The following ARHGAP42 variants were observed in gnomAD, a reference collection of about 807,000 sequenced individuals.
ARHGAP42 encodes the protein Rho GTPase activating protein 42.
ARHGAP42 carries 63 observed loss-of-function variants against 125.0 expected under a neutral mutation model. That is an observed-to-expected ratio of 0.50 (90% CI 0.41 to 0.62). The LOEUF (loss-of-function observed/expected upper bound fraction) is 0.62. Ranked by LOEUF, ARHGAP42 falls within the 20% of genes least tolerant of loss-of-function variation. The probability of loss-of-function intolerance (pLI) is 0.00; values close to 1 mark genes in which losing one functional copy is unlikely to be tolerated. For missense variants in ARHGAP42, 766 were observed against 1,024.2 expected (o/e 0.75, Z 3.44); for synonymous variants, 339 against 351.0 (o/e 0.97, Z 0.38).
At chr11:100,779,826 G>T (rs1356179285) in intron 2 of ARHGAP42, among the ~76,000 whole-genome samples, 2 of 151,558 alleles carry the variant, frequency 1.3e-5, no homozygotes. Flanking sequence ...AGGAGTTCGA[G>T]ACCTGCCTGG....
At chr11:100,840,210 C>G (rs1211300953) in intron 3 of ARHGAP42, among the ~76,000 whole-genome samples, 2 of 152,146 alleles carry the variant, frequency 1.3e-5, no homozygotes, top group Non-Finnish European at 2.9e-5. Context: ...AATGATGCGT[C>G]CCCTACAAAG....
intron 4 of ARHGAP42, among the ~76,000 whole-genome samples, chr11:100,883,290 A>G (rs1046967894): frequency 6.6e-6 from 1 of 152,058 alleles, no homozygotes; most frequent in African/African-American, 2.4e-5. Context: ...TGATATCCCT[A>G]GTGCCTGGCA....
At chr11:100,692,467 T>A (rs182712080) in intron 1 of ARHGAP42, among the ~76,000 whole-genome samples, 40 of 152,348 alleles carry the variant, frequency 2.6e-4, no homozygotes, top group Non-Finnish European at 8.8e-5. Flanking sequence ...TTGCTGATAA[T>A]ATCTAGTGTG....
At chr11:100,946,910 C>T (rs1868036755) in intron 10 of ARHGAP42, among the ~76,000 whole-genome samples, 1 of 151,600 alleles carries the variant, frequency 6.6e-6, no homozygotes, top group African/African-American at 2.4e-5. Context: ...GTTAAAAATG[C>T]AGTATCTGCA....
chr11:100,741,071 C>T (rs1172478596), intron 1 of ARHGAP42, among the ~76,000 whole-genome samples: 1 of 152,096 alleles, frequency 6.6e-6, no homozygotes, highest in Admixed American at 6.5e-5. Context: ...CACGCTGTCT[C>T]CAAGGCTGGA....
chr11:100,903,673 A>C, intron 4 of ARHGAP42, among the ~76,000 whole-genome samples: 1 of 134,852 alleles, frequency 7.4e-6, no homozygotes, highest in African/African-American at 2.8e-5. Context: ...GGGTTCTCTT[A>C]GAGGGACAGA....
At chr11:100,874,785 A>G (rs1323500739) in intron 4 of ARHGAP42, among the ~76,000 whole-genome samples, 2 of 152,120 alleles carry the variant, frequency 1.3e-5, no homozygotes, top group African/African-American at 2.4e-5. Flanking sequence ...TTTGGGTAGG[A>G]TAGGCTTATT....
At chr11:100,872,952 A>C (rs930241752) in intron 4 of ARHGAP42, among the ~76,000 whole-genome samples, 2 of 152,226 alleles carry the variant, frequency 1.3e-5, no homozygotes, top group African/African-American at 4.8e-5. Flanking sequence ...AAATAATTAT[A>C]ATTGAAAGGC....
In ARHGAP42 at chr11:100,978,774, A is replaced by G. The variant is rs551558038; in HGVS notation, c.2394-213A>G. On this transcript the variant is annotated intron_variant, in intron 21 of 23. Coordinates refer to ENST00000298815, the MANE Select transcript of ARHGAP42 (RefSeq NM_152432.4). ...AGTAAGATCCCCAGAGGAAGTAGCT[A>G]TTGGTTAATTACAGCCTGGTACTCT... 3.9e-5 allele frequency among the ~76,000 whole-genome samples: 6 copies of G among 152,280 alleles called. No individual in the cohort carries two copies. In the East Asian group the frequency reaches 9.7e-4, roughly 25 times the overall value.
At chr11:100,744,256 A>G (rs986945934) in intron 1 of ARHGAP42, among the ~76,000 whole-genome samples, 2 of 152,366 alleles carry the variant, frequency 1.3e-5, no homozygotes, top group Admixed American at 6.5e-5. Flanking sequence ...GGCGTGAGCC[A>G]CCATGCCCAG....
At chr11:100,896,723 C>T (rs1217180) in intron 4 of ARHGAP42, among the ~76,000 whole-genome samples, 138,465 of 152,252 alleles carry the variant, frequency 0.91, 63,128 homozygotes, top group East Asian at 1. Context: ...GAATTATTTG[C>T]AGATTCTAGA....
At chr11:100,764,488 G>GT (rs1251618190) in intron 1 of ARHGAP42, among the ~76,000 whole-genome samples, 1 of 152,168 alleles carries the variant, frequency 6.6e-6, no homozygotes, top group Admixed American at 6.5e-5. Context: ...ATAGCTTTGT[G>GT]TAAGATTTAA....
intron 4 of ARHGAP42, among the ~76,000 whole-genome samples, chr11:100,879,184 G>A (rs1382406843): frequency 6.6e-6 from 1 of 152,052 alleles, no homozygotes; most frequent in Non-Finnish European, 1.5e-5. Context: ...ATTTTAACAA[G>A]ACTCCTAGTT....
intron 1 of ARHGAP42, among the ~76,000 whole-genome samples, chr11:100,700,343 G>A (rs1453929727): frequency 6.6e-6 from 1 of 152,274 alleles, no homozygotes; most frequent in Admixed American, 6.5e-5. Flanking sequence ...GTGGTGGCTG[G>A]TGAAGGCTGG....
chr11:100,698,083 A>C (rs1861317671), intron 1 of ARHGAP42, among the ~76,000 whole-genome samples: 1 of 152,168 alleles, frequency 6.6e-6, no homozygotes, highest in Non-Finnish European at 1.5e-5. Context: ...TAGAGATAGG[A>C]TCTTGCTATG....
intron 4 of ARHGAP42, among the ~76,000 whole-genome samples, chr11:100,885,183 T>C (rs1866061841): frequency 6.6e-6 from 1 of 152,202 alleles, no homozygotes; most frequent in Non-Finnish European, 1.5e-5. Flanking sequence ...TTGAGGAAAG[T>C]AAACAGTTTA....
chr11:100,704,450 G>A (rs772618195), intron 1 of ARHGAP42, among the ~76,000 whole-genome samples: 9 of 152,194 alleles, frequency 5.9e-5, no homozygotes, highest in African/African-American at 2.2e-4. Context: ...GTGCGTGAGA[G>A]TGATGGCATC....
rs562131980 is a variant in ARHGAP42, at chr11:100,928,233, A to G, written c.598-4923A>G. Among the ~76,000 whole-genome samples, 7 of 152,274 alleles carry G rather than the reference A, an allele frequency of 4.6e-5. No individual in the cohort carries two copies. In the South Asian group the frequency reaches 1.2e-3, roughly 27 times the overall value. On this transcript the variant is annotated intron_variant, in intron 6 of 23. Transcript: ENST00000298815. Reference sequence around the variant, plus strand: ...GGCCAAATATGAAGGATGGAACTATATAACATTTTGATTTCTTATAGTGCC... The same window carrying G: ...GGCCAAATATGAAGGATGGAACTATGTAACATTTTGATTTCTTATAGTGCC...
chr11:100,840,943 C>A (rs548045911), intron 3 of ARHGAP42, among the ~76,000 whole-genome samples: 3 of 152,224 alleles, frequency 2.0e-5, no homozygotes, highest in Admixed American at 6.5e-5. Context: ...CTTCAGTCTC[C>A]TTACTCCTAG....
Sources: allele counts gnomAD v4.1 joint callset (sites outside exome capture counted in the v4.1 genomes callset), GRCh38; gene constraint gnomAD v4.1.1; transcripts MANE v1.5; gene names NCBI Gene and HGNC (gene_info 2026-07-23, HGNC 2026-07-21).